TWIST2: variants seen among roughly 807,000 people sequenced by gnomAD.
The protein encoded by TWIST2 is twist family bHLH transcription factor 2, also known as twist-related protein 2.
TWIST2 carries 1 observed loss-of-function variant against 11.6 expected under a neutral mutation model. The observed-to-expected ratio is 0.09, with a 90% CI of 0.03 to 0.41. The LOEUF (loss-of-function observed/expected upper bound fraction) is 0.41. Among genes scored for constraint, TWIST2 ranks in the 10% least tolerant of loss-of-function variants. The pLI is 0.98. For missense variants in TWIST2, 168 were observed against 226.4 expected, an observed-to-expected ratio of 0.74 and a Z score of 1.66; for synonymous variants, 87 against 96.6, an observed-to-expected ratio of 0.90 and a Z score of 0.58.
chr2:238,906,722 C>T (rs1013604531), intron 1 of TWIST2, among the ~76,000 whole-genome samples: 15 of 152,190 alleles, frequency 9.9e-5, no homozygotes, highest in Non-Finnish European at 1.3e-4. Flanking sequence ...ATCCTCCCCC[C>T]AGTGCCTGGG....
intron 1 of TWIST2, among the ~76,000 whole-genome samples, chr2:238,868,080 G>A (rs1228273459): frequency 2.6e-5 from 4 of 152,164 alleles, no homozygotes; most frequent in African/African-American, 4.8e-5. Context: ...CTGGCATTCC[G>A]GAATTACCTC....
chr2:238,880,037 G>A (rs937130198), intron 1 of TWIST2, among the ~76,000 whole-genome samples: 26 of 152,200 alleles, frequency 1.7e-4, no homozygotes, highest in African/African-American at 5.5e-4. Flanking sequence ...ATTGTAGGGC[G>A]TTATTTAGTG....
At chr2:238,870,845 CCACA>C (rs1256345661) in intron 1 of TWIST2, among the ~76,000 whole-genome samples, 3 of 53,318 alleles carry the variant, frequency 5.6e-5, no homozygotes, top group Admixed American at 1.9e-4. Flanking sequence ...CCCCCACACG[CCACA>C]CACACACCTT....
chr2:238,902,410 G>T (rs1164855015), intron 1 of TWIST2, among the ~76,000 whole-genome samples: 1 of 151,312 alleles, frequency 6.6e-6, no homozygotes, highest in Non-Finnish European at 1.5e-5. Flanking sequence ...GTTAATCAGG[G>T]TGTGTGTGTG....
intron 1 of TWIST2, among the ~76,000 whole-genome samples, chr2:238,870,077 AACAAAACG>A (rs530058620): frequency 0.091 from 11,570 of 127,174 alleles, 754 homozygotes; most frequent in South Asian, 0.11. Flanking sequence ...ATGCAGAACA[AACAAAACG>A]ACAAAACGTG....
In TWIST2 at chr2:238,867,801, C is replaced by A. The variant is rs1389032259; in HGVS notation, c.*35+19068C>A. Among the ~76,000 whole-genome samples the A allele has an allele frequency of 6.6e-6, 1 of 152,140 alleles. No individual in the cohort carries two copies. The highest frequency in any genetic ancestry group is 1.5e-5 in the Non-Finnish European group (1 of 68,036). On this transcript the variant is annotated intron_variant, in intron 1 of 1. Coordinates refer to ENST00000612363, the MANE Select transcript of TWIST2 (RefSeq NM_001271893.4). This position sits in a 1 kb window ranked among gnomAD's most constrained non-coding sequence, Gnocchi z 4.8. ...AGTTAGGAGGCCAGGAGGGAAGCAGCCGTTCCCAGAGCTGAGGGGCATCCC... is the reference window on the plus strand; with the variant it reads ...AGTTAGGAGGCCAGGAGGGAAGCAGACGTTCCCAGAGCTGAGGGGCATCCC...
At chr2:238,893,240 A>G (rs574543967) in intron 1 of TWIST2, among the ~76,000 whole-genome samples, 1 of 152,324 alleles carries the variant, frequency 6.6e-6, no homozygotes, top group African/African-American at 2.4e-5. Flanking sequence ...GAGGCATTTG[A>G]AAAAAAGACT....
Position 238,864,021 on chromosome 2 carries a change from G to T in TWIST2, c.*35+15288G>T, listed in dbSNP as rs1212151656. ...GCACAGAATCTCTCATTTCCTTTCAGATTCTTCGCCATAATCTAATTTTCG... is the reference window on the plus strand; with the variant it reads ...GCACAGAATCTCTCATTTCCTTTCATATTCTTCGCCATAATCTAATTTTCG... On this transcript the variant is annotated intron_variant, in intron 1 of 1. Transcript: ENST00000612363. The surrounding 1 kb of genome is among the most constrained non-coding windows in gnomAD (Gnocchi z 4.7). Among the ~76,000 whole-genome samples the T allele has an allele frequency of 6.6e-6, 1 of 152,152 alleles. No homozygotes were observed. Among genetic ancestry groups the T allele is most frequent in the African/African-American group, 2.4e-5 (1 of 41,422 alleles).
At position 238,901,600 on chromosome 2, in the gene TWIST2, TGGGAGGTCTCACTGACCACGCTGAGCG is replaced by T. The variant is rs1693269362; in HGVS notation, c.*36-8240_*36-8214del. Among the ~76,000 whole-genome samples the T allele has an allele frequency of 3.9e-5, 6 of 152,256 alleles. No individual in the cohort carries two copies. The South Asian group carries it at 1.2e-3, about 32-fold the overall frequency. On this transcript the variant is annotated intron_variant, in intron 1 of 1. Coordinates refer to ENST00000612363, the MANE Select transcript of TWIST2 (RefSeq NM_001271893.4). Reference sequence around the variant, plus strand: ...CTTGTCTGTTGTGCACTCACGCCGATGGGAGGTCTCACTGACCACGCTGAGCGGTTCCATACCTCTGGTTGACTCGGG... The same window carrying T: ...CTTGTCTGTTGTGCACTCACGCCGATGTTCCATACCTCTGGTTGACTCGGG...
intron 1 of TWIST2, among the ~76,000 whole-genome samples, chr2:238,892,646 A>AT (rs1693159269): frequency 1.6e-5 from 1 of 63,486 alleles, no homozygotes; most frequent in Non-Finnish European, 4.2e-5. Flanking sequence ...ACGCCTGGCT[A>AT]ATTTTTTGTA....
rs149245225 is a variant in TWIST2, at chr2:238,867,001, G to C, written c.*35+18268G>C. On this transcript the variant is annotated intron_variant, in intron 1 of 1. Transcript: ENST00000612363. This position sits in a 1 kb window ranked among gnomAD's most constrained non-coding sequence, Gnocchi z 4.8. ...TACACCAAGAAACTACACTGTGTCT[G>C]ATGCAAACGCATGTTTTCTGTGCAT... 2.6e-4 allele frequency among the ~76,000 whole-genome samples: 40 copies of C among 152,276 alleles called. No individual in the cohort carries two copies. In the East Asian group the frequency reaches 7.5e-3, roughly 29 times the overall value.
chr2:238,881,198 A>G (rs1162422387), intron 1 of TWIST2, among the ~76,000 whole-genome samples: 1 of 125,194 alleles, frequency 8.0e-6, no homozygotes, highest in Non-Finnish European at 1.6e-5. Flanking sequence ...TATTAGTATT[A>G]GTGTTACTGT....
chr2:238,851,004 G>A (rs1692232166), intron 1 of TWIST2, among the ~76,000 whole-genome samples: 2 of 152,276 alleles, frequency 1.3e-5, no homozygotes, highest in South Asian at 4.1e-4. Context: ...AGATCAATAC[G>A]ATTATAATTG....
At chr2:238,893,991 C>T (rs1375287369) in intron 1 of TWIST2, among the ~76,000 whole-genome samples, 1 of 152,122 alleles carries the variant, frequency 6.6e-6, no homozygotes, top group African/African-American at 2.4e-5. Flanking sequence ...CCTTCCCAGC[C>T]TCTCCCTCCG....
intron 1 of TWIST2, among the ~76,000 whole-genome samples, chr2:238,882,899 A>C (rs888707332): frequency 6.6e-6 from 1 of 152,094 alleles, no homozygotes; most frequent in African/African-American, 2.4e-5. Flanking sequence ...GGGGCAGATG[A>C]CCGTGGTCCA....
intron 1 of TWIST2, among the ~76,000 whole-genome samples, chr2:238,852,000 A>C (rs1412486437): frequency 6.6e-6 from 1 of 152,206 alleles, no homozygotes; most frequent in Non-Finnish European, 1.5e-5. Flanking sequence ...TTGAGATAGA[A>C]TACTTCACTG....
rs1182184505 is a variant in TWIST2, at chr2:238,864,211, C to G, written c.*35+15478C>G. ...AGGGGCTGGAGGTGAGGGGGGACCT[C>G]TCGGGCTGTGCCGTGGTATCCTCTC... On this transcript the variant is annotated intron_variant, in intron 1 of 1. Transcript: ENST00000612363. The surrounding 1 kb of genome is among the most constrained non-coding windows in gnomAD (Gnocchi z 4.7). Among the ~76,000 whole-genome samples, 1 of 152,176 alleles carries G rather than the reference C, an allele frequency of 6.6e-6. No individual in the cohort carries two copies. The highest frequency in any genetic ancestry group is 1.5e-5 in the Non-Finnish European group (1 of 68,032).
At chr2:238,857,688 G>A (rs1219055298) in intron 1 of TWIST2, among the ~76,000 whole-genome samples, 2 of 152,032 alleles carry the variant, frequency 1.3e-5, no homozygotes, top group Non-Finnish European at 2.9e-5. Flanking sequence ...TGTCATCCCA[G>A]CATTTTGGGA....
chr2:238,869,765 G>C (rs145344388), intron 1 of TWIST2, among the ~76,000 whole-genome samples: 1 of 152,170 alleles, frequency 6.6e-6, no homozygotes, highest in Non-Finnish European at 1.5e-5. Flanking sequence ...GCAACCTAGT[G>C]AGATGCCATC....
Sources: allele counts gnomAD v4.1 joint callset (sites outside exome capture counted in the v4.1 genomes callset), GRCh38; gene constraint gnomAD v4.1.1; non-coding constraint Gnocchi (gnomAD v3.1); transcripts MANE v1.5; gene names NCBI Gene and HGNC (gene_info 2026-07-23, HGNC 2026-07-21).